The following SFT2D1 variants were observed in gnomAD, a reference collection of about 807,000 sequenced individuals.
SFT2D1 encodes the protein SFT2 domain containing 1.
A neutral mutation model predicts 28.1 loss-of-function variants in SFT2D1; 24 were observed. That is an observed-to-expected ratio of 0.85 (90% CI 0.62 to 1.20). The LOEUF (loss-of-function observed/expected upper bound fraction) is 1.20. SFT2D1 is among the 50% of genes most tolerant of loss of function. The probability of loss-of-function intolerance (pLI) is 0.00; values close to 1 mark genes in which losing one functional copy is unlikely to be tolerated. For synonymous variants in SFT2D1, 82 were observed against 73.7 expected (o/e 1.11, Z -0.58); for missense variants, 181 against 190.9 (o/e 0.95, Z 0.31).
intron 5 of SFT2D1, among the ~76,000 whole-genome samples, chr6:166,325,693 G>A (rs538864954): frequency 2.0e-5 from 3 of 152,360 alleles, no homozygotes; most frequent in African/African-American, 7.2e-5. Flanking sequence ...ACCGGGCACT[G>A]TCAGATTTGC....
chr6:166,335,314 T>C, intron 1 of SFT2D1: 1 of 578,544 alleles, frequency 1.7e-6, no homozygotes, highest in South Asian at 1.4e-5. Context: ...ATGGCTGTAA[T>C]GGATTTGGTA....
intron 1 of SFT2D1, among the ~76,000 whole-genome samples, chr6:166,330,630 G>T (rs1292078246): frequency 6.6e-6 from 1 of 152,204 alleles, no homozygotes; most frequent in Non-Finnish European, 1.5e-5. Flanking sequence ...GCAGAGGCTG[G>T]GAAAGAGTAC....
rs756871860 is a variant in SFT2D1 at position 166,326,161 on chromosome 6, AAC to A, written c.320_321del (p.Cys107PhefsTer13). On this transcript the variant is annotated frameshift_variant, in exon 5 of 8. Transcript: ENST00000361731. LOFTEE classifies it high-confidence loss of function. ...AGAGCAGCACACAGGGTAAATATGA[AAC>A]ACAACTACAGGGGAAGAAAGAGTAG... Reference protein sequence around the residue: ...RLLATIVMLLCFIFTLCAALW... With the variant: ...RLLATIVMLLXFIFTLCAALW... 1 of 1,613,646 alleles carries A rather than the reference AAC, an allele frequency of 6.2e-7. No homozygotes were observed. Among genetic ancestry groups the A allele is most frequent in the South Asian group, 1.1e-5 (1 of 91,054 alleles).
At chr6:166,332,668 T>C (rs1778572668) in intron 1 of SFT2D1, among the ~76,000 whole-genome samples, 1 of 152,148 alleles carries the variant, frequency 6.6e-6, no homozygotes, top group African/African-American at 2.4e-5. Flanking sequence ...AGAAATAAAA[T>C]TGCCACCTCT....
intron 1 of SFT2D1, among the ~76,000 whole-genome samples, chr6:166,340,159 T>C (rs1245634592): frequency 6.6e-6 from 1 of 152,232 alleles, no homozygotes. Context: ...TTTTTTGTTT[T>C]TTAAACAGGC....
intron 1 of SFT2D1, among the ~76,000 whole-genome samples, chr6:166,338,247 C>CA (rs1453831880): frequency 6.6e-6 from 1 of 152,212 alleles, no homozygotes; most frequent in African/African-American, 2.4e-5. Context: ...TAACTCCCAA[C>CA]AATTACCTTA....
chr6:166,321,681 C>G (rs1778361701), intron 7 of SFT2D1, among the ~76,000 whole-genome samples: 1 of 152,168 alleles, frequency 6.6e-6, no homozygotes, highest in Non-Finnish European at 1.5e-5. Flanking sequence ...CTTTGAATTT[C>G]ACAAACAGGC....
chr6:166,339,605 C>A (rs1320014072), intron 1 of SFT2D1, among the ~76,000 whole-genome samples: 1 of 152,190 alleles, frequency 6.6e-6, no homozygotes, highest in African/African-American at 2.4e-5. Flanking sequence ...ACCAAGACTG[C>A]TCTCGTGGAA....
intron 1 of SFT2D1, among the ~76,000 whole-genome samples, chr6:166,332,291 C>T (rs1183637803): frequency 6.6e-6 from 1 of 152,170 alleles, no homozygotes; most frequent in African/African-American, 2.4e-5. Context: ...TTTTTTGAGA[C>T]AGAGTCTCAC....
intron 1 of SFT2D1, among the ~76,000 whole-genome samples, chr6:166,333,194 G>C (rs934033206): frequency 6.6e-6 from 1 of 152,200 alleles, no homozygotes; most frequent in African/African-American, 2.4e-5. Flanking sequence ...GCCCATTCCA[G>C]GCAGAACCGC....
chr6:166,321,368 T>C (rs1052793609), intron 7 of SFT2D1, among the ~76,000 whole-genome samples: 4 of 152,202 alleles, frequency 2.6e-5, no homozygotes, highest in African/African-American at 9.6e-5. Flanking sequence ...GGTCATGTTC[T>C]TGAAGTCCTG....
intron 1 of SFT2D1, among the ~76,000 whole-genome samples, chr6:166,339,812 C>T (rs1356419489): frequency 2.0e-5 from 3 of 152,198 alleles, no homozygotes; most frequent in African/African-American, 7.2e-5. Context: ...TAAACTTCTA[C>T]ACACCTAGAG....
chr6:166,330,067 G>T, intron 2 of SFT2D1, 94 bp downstream of exon 2: 1 of 928,750 alleles, frequency 1.1e-6, no homozygotes, highest in Non-Finnish European at 1.5e-6. Context: ...GGTCTAACAG[G>T]GATTTAGTAA....
chr6:166,325,254 T>G (rs1778422685), intron 5 of SFT2D1, among the ~76,000 whole-genome samples: 1 of 152,118 alleles, frequency 6.6e-6, no homozygotes, highest in African/African-American at 2.4e-5. Context: ...ATAACTAAAG[T>G]CCTGTCCTTA....
intron 1 of SFT2D1, among the ~76,000 whole-genome samples, chr6:166,330,956 T>C (rs9459654): frequency 0.77 from 116,865 of 152,138 alleles, 45,092 homozygotes; most frequent in East Asian, 0.93. Context: ...CCCATGAAAG[T>C]TTTGGGCCCC....
chr6:166,331,073 G>C (rs1021688241), intron 1 of SFT2D1, among the ~76,000 whole-genome samples: 3 of 152,176 alleles, frequency 2.0e-5, no homozygotes, highest in African/African-American at 7.2e-5. Context: ...GAAAAAAGTA[G>C]AAATTACTAA....
rs114719390 is a variant in SFT2D1, at chr6:166,335,220, C to T, written c.64-4973G>A. On this transcript the variant is annotated intron_variant, in intron 1 of 7. Coordinates refer to ENST00000361731, the MANE Select transcript of SFT2D1 (RefSeq NM_145169.3). ...GTGGTTTTGGTGGGAATGACAACTT[C>T]GGTCATGGAGGAAATTTCAGTGGTC... 4,799 of 607,334 alleles carry T rather than the reference C, an allele frequency of 7.9e-3. 171 individuals carry two copies. Among genetic ancestry groups the T allele is most frequent in the African/African-American group, 0.079 (4,273 of 54,220 alleles). 37.6% of individuals were successfully genotyped at this position (607,334 alleles called of 1,614,324 possible).
intron 1 of SFT2D1, among the ~76,000 whole-genome samples, chr6:166,339,271 G>A (rs550609866): frequency 4.7e-4 from 71 of 152,062 alleles, no homozygotes; most frequent in Non-Finnish European, 6.8e-4. Context: ...CAGGCAGTGA[G>A]CTAGGTGTCT....
chr6:166,323,672 G>C (rs1778395384), intron 6 of SFT2D1: 1 of 152,252 alleles, frequency 6.6e-6, no homozygotes, highest in South Asian at 2.1e-4. Context: ...GGACATGACT[G>C]AATCTTCACA....
Sources: allele counts gnomAD v4.1 joint callset (sites outside exome capture counted in the v4.1 genomes callset), GRCh38; gene constraint gnomAD v4.1.1; transcripts MANE v1.5; gene names NCBI Gene and HGNC (gene_info 2026-07-23, HGNC 2026-07-21).